Variants in MEX3D observed in about 807,000 individuals in gnomAD.
MEX3D encodes the protein RNA-binding protein MEX3D.
Under a neutral mutation model 6.3 loss-of-function variants are expected in MEX3D, and 4 were observed. The ratio of observed to expected loss-of-function variants is 0.64; its 90% CI spans 0.31 to 1.46. The LOEUF (loss-of-function observed/expected upper bound fraction) is 1.46. Ranked by LOEUF, MEX3D falls within the 40% of genes most tolerant of loss-of-function variation. The pLI is 0.07. For synonymous variants in MEX3D, 626 were observed against 494.1 expected (o/e 1.27, Z -3.54); for missense variants, 1,038 against 994.4 (o/e 1.04, Z -0.59).
At chr19:1,558,523 G>C (rs535481460) in intron 1 of MEX3D, among the ~76,000 whole-genome samples, 6 of 152,158 alleles carry the variant, frequency 3.9e-5, no homozygotes, top group Admixed American at 6.5e-5. Context: ...CCTTGACTTG[G>C]AACTTTTATC....
In MEX3D at chr19:1,556,760, C is replaced by T. The variant is rs767539803; in HGVS notation, c.759G>A (p.Thr253=). 2.5e-6 allele frequency: 4 copies of T among 1,612,294 alleles called. No homozygotes were observed. In the African/African-American group the frequency reaches 4.0e-5, roughly 16 times the overall value. The change falls in exon 2 of 2, where the codon ACG becomes ACA. Residue 253 remains threonine (T), a synonymous_variant. Transcript: ENST00000402693. The surrounding 1 kb of genome is among the most constrained non-coding windows in gnomAD (Gnocchi z 7.5). ...AAEHFSIIRA[T]RSKAGGLPGA... ...CGGGCAGACCCCCGGCCTTGCTGCG[C>T]GTGGCGCGGATGATGGAGAAGTGTT...
chr19:1,557,243 T>C (rs1404481262), intron 1 of MEX3D, among the ~76,000 whole-genome samples: 2 of 152,146 alleles, frequency 1.3e-5, no homozygotes, highest in East Asian at 3.9e-4. Flanking sequence ...AGCTGGACCC[T>C]AATATGCGGC....
At chr19:1,565,777 G>A (rs1914824110) in intron 1 of MEX3D, among the ~76,000 whole-genome samples, 1 of 152,156 alleles carries the variant, frequency 6.6e-6, no homozygotes, top group South Asian at 2.1e-4. Context: ...CAGAGGTGGG[G>A]GCTGAGCCTG....
rs1914552045 is a variant in MEX3D, at chr19:1,556,267, G to C, written c.1252C>G (p.Pro418Ala). 1.5e-6 allele frequency: 2 copies of C among 1,303,982 alleles called. No individual in the cohort carries two copies. Among genetic ancestry groups the C allele is most frequent in the East Asian group, 7.4e-5 (2 of 27,178 alleles). 80.8% of individuals were successfully genotyped at this position (1,303,982 alleles called of 1,614,324 possible). Residue 418 changes from proline (P) to alanine (A), a missense_variant, in exon 2 of 2, where the codon CCA (proline) becomes GCA (alanine). This residue lies in a region of MEX3D where 581 missense variants were observed against 516.2 expected (regional missense o/e 1.13). Transcript: ENST00000402693. This position sits in a 1 kb window ranked among gnomAD's most constrained non-coding sequence, Gnocchi z 7.5. ...CCGCTGTAGGGGCTGGCGGGGCCTG[G>C]GTCCGGCACGGAGGGGCCGCCGCGG... ...GSRGGPSVPD[P>A]GPASPYSGSG... is the part of the protein sequence containing the mutation.
chr19:1,555,920 G>T lies in MEX3D; in HGVS notation c.1599C>A (p.Gly533=). 6.7e-6 allele frequency: 8 copies of T among 1,199,418 alleles called. No individual in the cohort carries two copies. The South Asian group carries it at 2.3e-4, about 35-fold the overall frequency. 74.3% of individuals were successfully genotyped at this position (1,199,418 alleles called of 1,614,324 possible). ...LRLELPLSRR[G]APDPVGALSW... The stretch of plus-strand genomic sequence containing the variant: ...ACAGCGCGCCCACCGGGTCCGGGGC[G>T]CCACGGCGAGACAGCGGGAGCTCCA... The change falls in exon 2 of 2, where the codon GGC becomes GGA. Residue 533 remains glycine (G), a synonymous_variant. Transcript: ENST00000402693.
intron 1 of MEX3D, among the ~76,000 whole-genome samples, chr19:1,561,984 G>A (rs1329422308): frequency 4.0e-5 from 6 of 151,466 alleles, no homozygotes; most frequent in East Asian, 2.0e-4. Flanking sequence ...AGGTGTGGCC[G>A]GGCACGGTGG....
At position 1,556,672 on chromosome 19, in the gene MEX3D, G is replaced by T; in HGVS notation, c.847C>A (p.Arg283=). The T allele has an allele frequency of 6.2e-7, 1 of 1,610,828 alleles. No individual in the cohort carries two copies. Among genetic ancestry groups the T allele is most frequent in the Non-Finnish European group, 8.5e-7 (1 of 1,178,978 alleles). The change falls in exon 2 of 2, where the codon CGG becomes AGG. Residue 283 remains arginine, a synonymous_variant. Coordinates refer to ENST00000402693, the MANE Select transcript of MEX3D (RefSeq NM_203304.4). This position sits in a 1 kb window ranked among gnomAD's most constrained non-coding sequence, Gnocchi z 7.5. ...QTTIQVRVPY[R]VVGLVVGPKG... Reference sequence around the variant, plus strand: ...GGCCCCACCACCAGCCCCACCACCCGGTAGGGCACGCGCACCTGGATGGTG... The same window carrying T: ...GGCCCCACCACCAGCCCCACCACCCTGTAGGGCACGCGCACCTGGATGGTG...
Position 1,556,419 on chromosome 19 carries a change from C to A in MEX3D, c.1100G>T (p.Gly367Val). 2.5e-6 allele frequency: 4 copies of A among 1,586,402 alleles called. No individual in the cohort carries two copies. Among genetic ancestry groups the A allele is most frequent in the Non-Finnish European group, 3.4e-6 (4 of 1,172,518 alleles). ...NGTDVCLDLL[G>V]AAASLWAKTP... ...CTTGGCCCAGAGGCTGGCGGCCGCC[C>A]CGAGCAGGTCCAGGCAGACGTCGGT... The change falls in exon 2 of 2, where the codon GGG (glycine) becomes GTG (valine). Residue 367 changes from glycine to valine, a missense_variant. Around this residue, in one of 5 missense-constraint regions of MEX3D, gnomAD observed 581 missense variants for 516.2 expected, o/e 1.13. Transcript: ENST00000402693. The surrounding 1 kb of genome is among the most constrained non-coding windows in gnomAD (Gnocchi z 7.5).
chr19:1,568,098 C>G lies in MEX3D; in HGVS notation c.-40G>C. Reference sequence around the variant, plus strand: ...CTGGGGCCCGCGCTCCTGCCGCCCGCGCCGCCGCCGCCGCCCGCGCCGCCC... The same window carrying G: ...CTGGGGCCCGCGCTCCTGCCGCCCGGGCCGCCGCCGCCGCCCGCGCCGCCC... On this transcript the variant is annotated 5_prime_UTR_variant, in exon 1 of 2. Coordinates refer to ENST00000402693, the MANE Select transcript of MEX3D (RefSeq NM_203304.4). The G allele has an allele frequency of 1.0e-6, 1 of 976,472 alleles. No individual in the cohort carries two copies. The highest frequency in any genetic ancestry group is 4.6e-5 in the South Asian group (1 of 21,906). 60.5% of individuals were successfully genotyped at this position (976,472 alleles called of 1,614,324 possible). A position where few individuals can be genotyped will look rare whatever the true frequency, so the allele number is the denominator to read the frequency against.
chr19:1,555,707 G>T lies in MEX3D; in HGVS notation c.1812C>A (p.Ala604=), dbSNP rs369491344. The part of the protein sequence containing the change: ...PALARECVVC[A]EGEVMAALVP... ...CCAGCGCAGCCATCACCTCGCCCTC[G>T]GCGCACACCACGCACTCTCGCGCCA... Residue 604 remains alanine, a synonymous_variant, in exon 2 of 2, where the codon GCC becomes GCA. Coordinates refer to ENST00000402693, the MANE Select transcript of MEX3D (RefSeq NM_203304.4). The T allele has an allele frequency of 6.4e-7, 1 of 1,552,428 alleles. No homozygotes were observed. The highest frequency in any genetic ancestry group is 8.7e-7 in the Non-Finnish European group (1 of 1,154,460).
intron 1 of MEX3D, 121 bp from the exon 2 acceptor site, chr19:1,557,044 A>C (rs917230228): frequency 3.5e-5 from 42 of 1,211,602 alleles, no homozygotes; most frequent in African/African-American, 9.1e-5. Context: ...GTGCCCAACA[A>C]CACTTTATCC....
Position 1,556,758 on chromosome 19 carries a change from C to A in MEX3D, c.761G>T (p.Arg254Leu). 1 of 1,612,318 alleles carries A rather than the reference C, an allele frequency of 6.2e-7. No individual in the cohort carries two copies. Among genetic ancestry groups the A allele is most frequent in the Non-Finnish European group, 8.5e-7 (1 of 1,179,676 alleles). Residue 254 changes from arginine to leucine, a missense_variant, in exon 2 of 2, where the codon CGC (arginine) becomes CTC (leucine). Physicochemically the swap from Arg to Leu is moderately radical, Grantham distance 102. This residue lies in a region of MEX3D where 52 missense variants were observed against 37.4 expected (regional missense o/e 1.39). Transcript: ENST00000402693. This position sits in a 1 kb window ranked among gnomAD's most constrained non-coding sequence, Gnocchi z 7.5. The part of the protein sequence containing the change: ...AEHFSIIRAT[R>L]SKAGGLPGAA... ...GCCGGGCAGACCCCCGGCCTTGCTG[C>A]GCGTGGCGCGGATGATGGAGAAGTG...
chr19:1,563,561 C>T (rs1914770768), intron 1 of MEX3D, among the ~76,000 whole-genome samples: 1 of 152,194 alleles, frequency 6.6e-6, no homozygotes, highest in East Asian at 1.9e-4. Context: ...AGCACAGATT[C>T]ACCCAGGGTG....
chr19:1,567,450 C>G lies in MEX3D; in HGVS notation c.595+14G>C. ...GGACCCCCAGGACAGCAACCCCCGA[C>G]GAGGGCCACTCACCCTGGCGACCCA... is the stretch of plus-strand genomic sequence containing the variant. On this transcript the variant is annotated intron_variant, in intron 1 of 1. Transcript: ENST00000402693. This position sits in a 1 kb window ranked among gnomAD's most constrained non-coding sequence, Gnocchi z 6.5. 6.4e-7 allele frequency: 1 copy of G among 1,559,078 alleles called. No individual in the cohort carries two copies. The highest frequency in any genetic ancestry group is 2.6e-5 in the East Asian group (1 of 38,052).
rs916950772 is a variant in MEX3D, at chr19:1,567,270, G to A, written c.595+194C>T. On this transcript the variant is annotated intron_variant, in intron 1 of 1. Coordinates refer to ENST00000402693, the MANE Select transcript of MEX3D (RefSeq NM_203304.4). This position sits in a 1 kb window ranked among gnomAD's most constrained non-coding sequence, Gnocchi z 6.5. ...GCCGGAGCGCGCAGGGGAGGAGCGC[G>A]GGCTGCGCCCAACTTTCTCCCGCGG... 5.9e-5 allele frequency among the ~76,000 whole-genome samples: 9 copies of A among 151,894 alleles called. No homozygotes were observed. The highest frequency in any genetic ancestry group is 5.9e-5 in the Non-Finnish European group (4 of 67,930).
chr19:1,565,689 A>AC (rs1422683158), intron 1 of MEX3D, among the ~76,000 whole-genome samples: 4 of 152,020 alleles, frequency 2.6e-5, no homozygotes, highest in African/African-American at 9.6e-5. Context: ...TCTACCCCCG[A>AC]CCCCCACTGT....
At chr19:1,562,077 C>A (rs570507652) in intron 1 of MEX3D, among the ~76,000 whole-genome samples, 1 of 151,442 alleles carries the variant, frequency 6.6e-6, no homozygotes, top group African/African-American at 2.4e-5. Flanking sequence ...CTAGCTAACA[C>A]GGTGAAACCC....
intron 1 of MEX3D, among the ~76,000 whole-genome samples, chr19:1,561,575 G>A (rs895497220): frequency 3.3e-5 from 5 of 152,146 alleles, no homozygotes; most frequent in South Asian, 2.1e-4. Context: ...GCTCACACCC[G>A]TACGTAGTTC....
rs779092546 is a variant in MEX3D, at chr19:1,556,731, G to A, written c.788C>T (p.Ala263Val). The A allele has an allele frequency of 1.4e-5, 22 of 1,611,616 alleles. No homozygotes were observed. The South Asian group carries it at 2.3e-4, about 17-fold the overall frequency. ...GGGAAGGTTGGGCGGGCCCTGGGCG[G>A]CGCCGGGCAGACCCCCGGCCTTGCT... ...TRSKAGGLPGAAQGPPNLPGQ... is the reference protein window; with the variant it reads ...TRSKAGGLPGVAQGPPNLPGQ... The change falls in exon 2 of 2, where the codon GCC becomes GTC. Residue 263 changes from alanine (A) to valine (V), a missense_variant. By Grantham distance (64) the Ala-to-Val change is moderately conservative. Coordinates refer to ENST00000402693, the MANE Select transcript of MEX3D (RefSeq NM_203304.4). The surrounding 1 kb of genome is among the most constrained non-coding windows in gnomAD (Gnocchi z 7.5).
Sources: allele counts gnomAD v4.1 joint callset (sites outside exome capture counted in the v4.1 genomes callset), GRCh38; gene constraint gnomAD v4.1.1; regional missense constraint gnomAD v4.1.1; non-coding constraint Gnocchi (gnomAD v3.1); transcripts MANE v1.5; gene names NCBI Gene and HGNC (gene_info 2026-07-23, HGNC 2026-07-21).